The following GAPVD1 variants were observed in gnomAD, a reference collection of about 807,000 sequenced individuals.
GAPVD1 encodes GTPase activating protein and VPS9 domains 1, also known as GTPase-activating protein and VPS9 domain-containing protein 1.
In GAPVD1, 35 loss-of-function variants were observed where a neutral mutation model predicts 155.5. The observed-to-expected ratio is 0.23, with a 90% CI of 0.17 to 0.30. The LOEUF is 0.30. Among genes scored for constraint, GAPVD1 ranks in the 10% least tolerant of loss-of-function variants. GAPVD1 has a pLI of 1.00. For missense variants in GAPVD1, 1,429 were observed against 1,775.7 expected, an observed-to-expected ratio of 0.80 and a Z score of 3.51; for synonymous variants, 636 against 619.7, an observed-to-expected ratio of 1.03 and a Z score of -0.39.
chr9:125,359,098 C>A (rs1031646583), intron 25 of GAPVD1, among the ~76,000 whole-genome samples: 1 of 152,094 alleles, frequency 6.6e-6, no homozygotes, highest in Admixed American at 6.5e-5. Flanking sequence ...TTTTCCCCCC[C>A]TCTCCTTTTC....
chr9:125,307,801 T>G lies in GAPVD1; in HGVS notation c.1362T>G (p.Ser454Arg), dbSNP rs1469444804. Residue 454 changes from serine (S) to arginine (R), a missense_variant, in exon 8 of 28, where the codon AGT (serine) becomes AGG (arginine). Coordinates refer to ENST00000297933, the MANE Select transcript of GAPVD1 (RefSeq NM_001282680.3). ...CGGCCAAGCCAGGAAAAAGTAGCAG[T>G]TTAGAAATGACTCCCTACAATACAC... ...LPPAKPGKSS[S>R]LEMTPYNTPQ... 1 of 1,613,502 alleles carries G rather than the reference T, an allele frequency of 6.2e-7. No homozygotes were observed. The highest frequency in any genetic ancestry group is 8.5e-7 in the Non-Finnish European group (1 of 1,179,578).
At chr9:125,332,320 C>T (rs1226891392) in intron 14 of GAPVD1, among the ~76,000 whole-genome samples, 190 bp from the exon 15 acceptor site, 1 of 152,074 alleles carries the variant, frequency 6.6e-6, no homozygotes, top group East Asian at 1.9e-4. Flanking sequence ...TTGTACGATT[C>T]TGATTATGTT....
At chr9:125,309,859 C>A in intron 8 of GAPVD1, 1 of 366,072 alleles carries the variant, frequency 2.7e-6, no homozygotes, top group Non-Finnish European at 5.8e-6. Flanking sequence ...GCATTTATTT[C>A]GTATCTTAAC....
At chr9:125,290,018 C>T (rs1838327483) in intron 2 of GAPVD1, among the ~76,000 whole-genome samples, 1 of 152,150 alleles carries the variant, frequency 6.6e-6, no homozygotes, top group South Asian at 2.1e-4. Context: ...AGAGGTCAAC[C>T]ATCTCAAATG....
rs547580742 is a variant in GAPVD1 at position 125,286,056 on chromosome 9, C to T, written c.-149-9402C>T. ...ATCCTGGGCTCAAGTGATCCACCTG[C>T]TTTGGCCTGCCAAAGTGCCGGGTCC... On this transcript the variant is annotated intron_variant, in intron 2 of 27. Transcript: ENST00000297933. 1.7e-4 allele frequency among the ~76,000 whole-genome samples: 26 copies of T among 152,142 alleles called. 1 individual carries two copies. The South Asian group carries it at 5.0e-3, about 29-fold the overall frequency.
At chr9:125,288,818 A>C (rs1315016690) in intron 2 of GAPVD1, among the ~76,000 whole-genome samples, 1 of 152,228 alleles carries the variant, frequency 6.6e-6, no homozygotes, top group African/African-American at 2.4e-5. Flanking sequence ...AGAGATGGTC[A>C]ATACATGAGA....
intron 5 of GAPVD1, among the ~76,000 whole-genome samples, chr9:125,304,397 G>A (rs1841452662): frequency 6.6e-6 from 1 of 152,102 alleles, no homozygotes; most frequent in African/African-American, 2.4e-5. Flanking sequence ...GGTAGATAAT[G>A]TATTTGTAGT....
Position 125,321,506 on chromosome 9 carries a change from C to A in GAPVD1, c.1676C>A (p.Pro559His). 1 of 1,613,206 alleles carries A rather than the reference C, an allele frequency of 6.2e-7. No homozygotes were observed. The highest frequency in any genetic ancestry group is 1.3e-5 in the African/African-American group (1 of 75,030). ...PVDENKLHGK[P>H]DKTLRFSLCS... ...GATGAAAACAAACTCCATGGTAAAC[C>A]TGATAAAACCTTGCGCTTTTCCCTC... The change falls in exon 10 of 28, where the codon CCT (proline) becomes CAT (histidine). Residue 559 changes from proline (P) to histidine (H), a missense_variant. Physicochemically the swap from Pro to His is moderately conservative, Grantham distance 77 (BLOSUM62 -2). Transcript: ENST00000297933.
At chr9:125,328,878 G>T (rs1026581307) in intron 12 of GAPVD1, among the ~76,000 whole-genome samples, 3 of 152,204 alleles carry the variant, frequency 2.0e-5, no homozygotes. Context: ...GGCCGGGCAG[G>T]GGGGCTCACC....
Position 125,312,479 on chromosome 9 carries a change from T to A in GAPVD1, c.1469T>A (p.Met490Lys). Residue 490 changes from methionine to lysine, a missense_variant, in exon 9 of 28, where the codon ATG becomes AAG. Met to Lys is a moderately conservative substitution (Grantham distance 95). Around this residue, in one of 4 missense-constraint regions of GAPVD1, gnomAD observed 628 missense variants for 733.4 expected, o/e 0.86. Transcript: ENST00000297933. ...ACTCGGAGCAGAAGCCGCACCAATA[T>A]GCTAATGGACCTACATATGGACCAT... ...IATRSRSRTNMLMDLHMDHEG... is the reference protein window; with the variant it reads ...IATRSRSRTNKLMDLHMDHEG... The A allele has an allele frequency of 6.3e-7, 1 of 1,594,310 alleles. No homozygotes were observed. Among genetic ancestry groups the A allele is most frequent in the East Asian group, 2.2e-5 (1 of 44,600 alleles).
intron 1 of GAPVD1, among the ~76,000 whole-genome samples, chr9:125,265,780 C>A (rs901097490): frequency 6.8e-6 from 1 of 146,244 alleles, no homozygotes. Flanking sequence ...AATTTTGAAA[C>A]TACTGGCCAG....
intron 3 of GAPVD1, among the ~76,000 whole-genome samples, chr9:125,296,613 C>CA (rs1839922477): frequency 2.0e-5 from 3 of 149,880 alleles, no homozygotes; most frequent in Non-Finnish European, 4.4e-5. Context: ...CTTGGCCTCC[C>CA]AAAGTGCTGG....
chr9:125,335,290 C>A, intron 15 of GAPVD1: 2 of 609,784 alleles, frequency 3.3e-6, no homozygotes, highest in South Asian at 4.2e-5. Context: ...AAAAATGTGT[C>A]ATTCTCTTCA....
chr9:125,283,895 T>C (rs1459887077), intron 2 of GAPVD1, among the ~76,000 whole-genome samples: 2 of 151,800 alleles, frequency 1.3e-5, no homozygotes, highest in Non-Finnish European at 2.9e-5. Context: ...TTTTTTGATA[T>C]GGAGTCTCGC....
chr9:125,298,218 T>C (rs181394207), intron 3 of GAPVD1, among the ~76,000 whole-genome samples: 40 of 152,230 alleles, frequency 2.6e-4, no homozygotes, highest in African/African-American at 9.4e-4. Flanking sequence ...ATTTTGAAGA[T>C]AGAATCAACA....
At chr9:125,331,478 G>A (rs1019094910) in intron 13 of GAPVD1, among the ~76,000 whole-genome samples, 1 of 152,208 alleles carries the variant, frequency 6.6e-6, no homozygotes, top group Non-Finnish European at 1.5e-5. Flanking sequence ...TGGGATTACA[G>A]GTGTGAGCTA....
rs1839216947 is a variant in GAPVD1, at chr9:125,293,862, A to AT, written c.-149-1595dup. Among the ~76,000 whole-genome samples, 5 of 13,734 alleles carry AT rather than the reference A, an allele frequency of 3.6e-4. No individual in the cohort carries two copies. The East Asian group carries it at 5.1e-3, about 14-fold the overall frequency. The allele number at this position is 13,734 out of a possible 152,430, so 9.0% of individuals were successfully genotyped here. ...ATATAAAAATATATTTTATATATAT[A>AT]TATATATATATATATATATATATAT... On this transcript the variant is annotated intron_variant, in intron 2 of 27. Coordinates refer to ENST00000297933, the MANE Select transcript of GAPVD1 (RefSeq NM_001282680.3).
intron 2 of GAPVD1, among the ~76,000 whole-genome samples, chr9:125,273,196 A>G (rs1835191166): frequency 6.6e-6 from 1 of 152,186 alleles, no homozygotes; most frequent in Non-Finnish European, 1.5e-5. Flanking sequence ...AGGTTTATCT[A>G]ATTGTGAAAG....
intron 8 of GAPVD1, among the ~76,000 whole-genome samples, chr9:125,310,829 C>T (rs1217461635): frequency 1.3e-5 from 2 of 149,874 alleles, no homozygotes; most frequent in Non-Finnish European, 3.0e-5. Flanking sequence ...TGAGCCACCG[C>T]GCCCAGCCTT....
Sources: gnomAD v4.1 joint callset for allele counts (sites outside exome capture counted in the v4.1 genomes callset) on GRCh38, gnomAD v4.1.1 for gene constraint, gnomAD v4.1.1 regional missense constraint, MANE v1.5 for transcripts, NCBI Gene and HGNC (gene_info 2026-07-23, HGNC 2026-07-21) for gene names.